Variants in SLC8A1 observed in about 807,000 individuals in gnomAD.
SLC8A1 encodes sodium/calcium exchanger 1.
SLC8A1 carries 18 observed loss-of-function variants against 68.3 expected under a neutral mutation model. The observed-to-expected ratio is 0.26, with a 90% CI of 0.18 to 0.39. The LOEUF is 0.39. Among genes scored for constraint, SLC8A1 ranks in the 10% least tolerant of loss-of-function variants. SLC8A1 has a pLI of 1.00. For synonymous variants in SLC8A1, 475 were observed against 415.5 expected (o/e 1.14, Z -1.74); for missense variants, 985 against 1,156.7 (o/e 0.85, Z 2.15).
At position 40,212,281 on chromosome 2, in the gene SLC8A1, A is replaced by ATGTTTTTTTTTTTTTTTTTTT. The variant is rs371395367; in HGVS notation, c.1809-34427_1809-34426insAAAAAAAAAAAAAAAAAAACA. Among the ~76,000 whole-genome samples, 3 of 118,212 alleles carry ATGTTTTTTTTTTTTTTTTTTT rather than the reference A, an allele frequency of 2.5e-5. 1 individual carries two copies. Among genetic ancestry groups the ATGTTTTTTTTTTTTTTTTTTT allele is most frequent in the Non-Finnish European group, 5.3e-5 (3 of 56,666 alleles). The allele number at this position is 118,212 out of a possible 152,430, so 77.6% of individuals were successfully genotyped here. On this transcript the variant is annotated intron_variant, in intron 2 of 7. Transcript: ENST00000406785. The stretch of plus-strand genomic sequence containing the variant: ...AGGTGCTAAACAGAAGAGATGCAAT[A>ATGTTTTTTTTTTTTTTTTTTT]TCTTTTTTTTTTTTTTTTTTCCTGA...
chr2:40,334,258 T>C (rs1021100578), intron 2 of SLC8A1, among the ~76,000 whole-genome samples: 62 of 152,200 alleles, frequency 4.1e-4, no homozygotes, highest in African/African-American at 1.5e-3. Context: ...TGTGATGTTA[T>C]CAATGGAGGA....
chr2:40,342,815 G>T (rs1329897014), intron 2 of SLC8A1, among the ~76,000 whole-genome samples: 1 of 152,138 alleles, frequency 6.6e-6, no homozygotes, highest in East Asian at 1.9e-4. Flanking sequence ...TTACTAAACA[G>T]ATCACTCACT....
intron 1 of SLC8A1, among the ~76,000 whole-genome samples, chr2:40,461,269 GA>G (rs892853432): frequency 2.0e-5 from 3 of 152,126 alleles, no homozygotes; most frequent in African/African-American, 7.2e-5. Context: ...AGGCAGAGAG[GA>G]TATTTCACCA....
intron 2 of SLC8A1, among the ~76,000 whole-genome samples, chr2:40,378,376 G>T (rs915158726): frequency 2.0e-5 from 3 of 152,080 alleles, no homozygotes; most frequent in Non-Finnish European, 2.9e-5. Context: ...AAATGCAAAG[G>T]TTATGTGTGA....
intron 1 of SLC8A1, among the ~76,000 whole-genome samples, chr2:40,477,147 C>T (rs1011553419): frequency 3.3e-5 from 5 of 152,082 alleles, no homozygotes; most frequent in African/African-American, 1.2e-4. Flanking sequence ...TTTCTGAAAA[C>T]AGAAACAGAA....
chr2:40,294,790 C>G (rs1312083820), intron 2 of SLC8A1, among the ~76,000 whole-genome samples: 1 of 152,034 alleles, frequency 6.6e-6, no homozygotes, highest in Non-Finnish European at 1.5e-5. Context: ...AAAACAATAA[C>G]TAAAAAGGTA....
intron 7 of SLC8A1, among the ~76,000 whole-genome samples, chr2:40,119,984 G>C (rs2036413042): frequency 6.6e-6 from 1 of 152,156 alleles, no homozygotes; most frequent in African/African-American, 2.4e-5. Flanking sequence ...CCTTGCCCAA[G>C]TCATCTGGTC....
intron 2 of SLC8A1, among the ~76,000 whole-genome samples, chr2:40,243,826 A>G (rs2061508123): frequency 6.6e-6 from 1 of 152,210 alleles, no homozygotes; most frequent in African/African-American, 2.4e-5. Flanking sequence ...TGGGGGAGGA[A>G]TTCCATGTGA....
exon 2 of SLC8A1, chr2:40,429,599 C>T (rs1482019306): frequency 1.2e-6 from 2 of 1,613,590 alleles, no homozygotes; most frequent in Non-Finnish European, 1.7e-6. Context: ...TCCACAACAC[C>T]AGGAGATATG....
At chr2:40,340,895 G>A (rs1667479268) in intron 2 of SLC8A1, among the ~76,000 whole-genome samples, 2 of 152,158 alleles carry the variant, frequency 1.3e-5, no homozygotes, top group Non-Finnish European at 2.9e-5. Context: ...AAATACACTG[G>A]AGACTTGTAC....
intron 2 of SLC8A1, among the ~76,000 whole-genome samples, chr2:40,364,117 T>C (rs756757564): frequency 3.9e-5 from 6 of 152,244 alleles, no homozygotes; most frequent in Non-Finnish European, 7.4e-5. Flanking sequence ...TGCAACTGCC[T>C]GATAAGTATT....
At chr2:40,436,599 C>T (rs1363498744) in intron 1 of SLC8A1, among the ~76,000 whole-genome samples, 3 of 152,032 alleles carry the variant, frequency 2.0e-5, no homozygotes, top group Non-Finnish European at 4.4e-5. Flanking sequence ...TAAGAGGGCC[C>T]TAACACTTTG....
intron 1 of SLC8A1, among the ~76,000 whole-genome samples, chr2:40,438,883 A>G (rs1231870637): frequency 6.6e-6 from 1 of 152,144 alleles, no homozygotes; most frequent in East Asian, 1.9e-4. Context: ...GAAAGAGCAG[A>G]ACTGAGTAGA....
intron 2 of SLC8A1, among the ~76,000 whole-genome samples, chr2:40,300,203 T>C (rs1427287825): frequency 2.0e-5 from 3 of 152,192 alleles, no homozygotes; most frequent in Non-Finnish European, 4.4e-5. Flanking sequence ...ATTCCCCATA[T>C]TAAATATATG....
At chr2:40,360,142 A>C (rs1674149308) in intron 2 of SLC8A1, among the ~76,000 whole-genome samples, 1 of 152,166 alleles carries the variant, frequency 6.6e-6, no homozygotes, top group African/African-American at 2.4e-5. Flanking sequence ...AATGAGGCTC[A>C]AAATTGATTG....
intron 2 of SLC8A1, among the ~76,000 whole-genome samples, chr2:40,370,216 C>A (rs969536235): frequency 1.3e-5 from 2 of 152,108 alleles, no homozygotes; most frequent in African/African-American, 4.8e-5. Context: ...GGAGTGATCA[C>A]CCTTACAGAA....
intron 6 of SLC8A1, among the ~76,000 whole-genome samples, chr2:40,149,385 A>T (rs11684633): frequency 0.29 from 43,637 of 152,172 alleles, 6,666 homozygotes; most frequent in East Asian, 0.62. Context: ...TATAATATGT[A>T]ATAATTTCAG....
At chr2:40,215,673 T>C (rs566959896) in intron 2 of SLC8A1, among the ~76,000 whole-genome samples, 174 of 142,606 alleles carry the variant, frequency 1.2e-3, no homozygotes, top group Middle Eastern at 0.011. Context: ...AAAAAAAAAG[T>C]TATGTAAAGA....
chr2:40,311,476 T>C (rs1351023055), intron 2 of SLC8A1, among the ~76,000 whole-genome samples: 1 of 152,120 alleles, frequency 6.6e-6, no homozygotes, highest in African/African-American at 2.4e-5. Flanking sequence ...TATGGCGGTA[T>C]GATGTATGTC....
Sources: allele counts gnomAD v4.1 joint callset (sites outside exome capture counted in the v4.1 genomes callset), GRCh38; gene constraint gnomAD v4.1.1; transcripts MANE v1.5; gene names NCBI Gene and HGNC (gene_info 2026-07-23, HGNC 2026-07-21).